The following FOSB variants were observed in gnomAD, a reference collection of about 807,000 sequenced individuals.
The protein encoded by FOSB is FosB proto-oncogene, AP-1 transcription factor subunit.
FOSB carries 8 observed loss-of-function variants against 31.1 expected under a neutral mutation model. The ratio of observed to expected loss-of-function variants is 0.26; its 90% CI spans 0.15 to 0.46. FOSB has a LOEUF of 0.46. FOSB is among the 20% of genes least tolerant of loss of function. The pLI is 0.99. For synonymous variants in FOSB, 214 were observed against 206.1 expected (o/e 1.04, Z -0.33); for missense variants, 376 against 460.6 (o/e 0.82, Z 1.68).
Position 45,472,496 on chromosome 19 carries a change from C to A in FOSB, c.556-55C>A. The A allele has an allele frequency of 7.2e-7, 1 of 1,391,842 alleles. No individual in the cohort carries two copies. Among genetic ancestry groups the A allele is most frequent in the South Asian group, 1.6e-5 (1 of 63,490 alleles). The allele number at this position is 1,391,842 out of a possible 1,614,324, so 86.2% of individuals were successfully genotyped here. On this transcript the variant is annotated intron_variant, in intron 3 of 3. Coordinates refer to ENST00000353609, the MANE Select transcript of FOSB (RefSeq NM_006732.3). This position sits in a 1 kb window ranked among gnomAD's most constrained non-coding sequence, Gnocchi z 5.4. ...ATGACCCGAGTTTCCCGGTCACTGA[C>A]ATGCTTTTTTCTCCTTCCTCTCTCT...
In FOSB at chr19:45,474,495, C is replaced by G. The variant is rs1395597909; in HGVS notation, c.*1483C>G. On this transcript the variant is annotated 3_prime_UTR_variant, in exon 4 of 4. Coordinates refer to ENST00000353609, the MANE Select transcript of FOSB (RefSeq NM_006732.3). ...TGCTGCATGAAAAACATTCCACGTG[C>G]CCCTTGTCGCGCGTCTCCCATCCTG... 1 of 152,552 alleles carries G rather than the reference C, an allele frequency of 6.6e-6. No homozygotes were observed. Among genetic ancestry groups the G allele is most frequent in the Non-Finnish European group, 1.5e-5 (1 of 68,042 alleles). The allele number at this position is 152,552 out of a possible 1,614,324, so 9.4% of individuals were successfully genotyped here.
At chr19:45,469,473 C>G (rs1221222775) in intron 1 of FOSB, among the ~76,000 whole-genome samples, 1 of 152,210 alleles carries the variant, frequency 6.6e-6, no homozygotes, top group East Asian at 1.9e-4. Context: ...CCTCTCTGTC[C>G]CCGGAACCCG....
At chr19:45,470,983 G>A in intron 2 of FOSB, 34 bp downstream of exon 2, 1 of 1,602,044 alleles carries the variant, frequency 6.2e-7, no homozygotes, top group East Asian at 2.2e-5. Context: ...GGCCTGGGTA[G>A]GGGGAAGCAA....
At chr19:45,471,328 G>A in intron 3 of FOSB, 27 bp downstream of exon 3, 1 of 1,489,890 alleles carries the variant, frequency 6.7e-7, no homozygotes. Flanking sequence ...GGGTGGGAGA[G>A]GGGATGTTGA....
At position 45,472,048 on chromosome 19, in the gene FOSB, AG is replaced by A. The variant is rs1967694521; in HGVS notation, c.556-500del. 1 of 152,412 alleles carries A rather than the reference AG, an allele frequency of 6.6e-6. No individual in the cohort carries two copies. The highest frequency in any genetic ancestry group is 1.5e-5 in the Non-Finnish European group (1 of 68,324). The allele number at this position is 152,412 out of a possible 1,614,324, so 9.4% of individuals were successfully genotyped here. ...AGTTTGAGACCAGCCTGGGAAACAT[AG>A]GGAGGACTTGTCTCTACCAAGAAAA... is the stretch of plus-strand genomic sequence containing the variant. On this transcript the variant is annotated intron_variant, in intron 3 of 3. Coordinates refer to ENST00000353609, the MANE Select transcript of FOSB (RefSeq NM_006732.3). This position sits in a 1 kb window ranked among gnomAD's most constrained non-coding sequence, Gnocchi z 5.4.
intron 2 of FOSB, 83 bp from the exon 3 acceptor site, chr19:45,471,111 G>T: frequency 7.1e-7 from 1 of 1,406,250 alleles, no homozygotes; most frequent in Non-Finnish European, 9.8e-7. Context: ...TGGCTCTTGG[G>T]GGTTCTGAAA....
In FOSB at chr19:45,473,596, CT is replaced by C. The variant is rs1467989045; in HGVS notation, c.*586del. On this transcript the variant is annotated 3_prime_UTR_variant, in exon 4 of 4. Coordinates refer to ENST00000353609, the MANE Select transcript of FOSB (RefSeq NM_006732.3). ...ACTCTGGGCAGAAGTGAGCCCCCCC[CT>C]TAAAGGGAATTCGATGCCCCCCTAG... 1 of 96,094 alleles carries C rather than the reference CT, an allele frequency of 1.0e-5. No homozygotes were observed. The allele number at this position is 96,094 out of a possible 1,614,324, so 6.0% of individuals were successfully genotyped here.
In FOSB at chr19:45,474,365, C is replaced by A. The variant is rs1377694512; in HGVS notation, c.*1353C>A. 1 of 152,334 alleles carries A rather than the reference C, an allele frequency of 6.6e-6. No individual in the cohort carries two copies. The highest frequency in any genetic ancestry group is 1.5e-5 in the Non-Finnish European group (1 of 67,992). The allele number at this position is 152,334 out of a possible 1,614,324, so 9.4% of individuals were successfully genotyped here. A position where few individuals can be genotyped will look rare whatever the true frequency, so the allele number is the denominator to read the frequency against. On this transcript the variant is annotated 3_prime_UTR_variant, in exon 4 of 4. Transcript: ENST00000353609. ...CGCCCATCCCTGACCATGGTTTTGG[C>A]TCTCCCACCCCGCCGTTCCCTGCGC...
chr19:45,472,864 G>A lies in FOSB; in HGVS notation c.869G>A (p.Gly290Asp), dbSNP rs139625208. 2.8e-4 allele frequency: 446 copies of A among 1,614,128 alleles called. 1 individual carries two copies. Among genetic ancestry groups the A allele is most frequent in the African/African-American group, 1.6e-3 (117 of 75,030 alleles). ...ACACACAGTGAAGTTCAAGTCCTCG[G>A]CGACCCCTTCCCCGTTGTTAACCCT... ...LFTHSEVQVL[G>D]DPFPVVNPSY... Residue 290 changes from glycine (G) to aspartate (D), a missense_variant, in exon 4 of 4, where the codon GGC (glycine) becomes GAC (aspartate). Physicochemically the swap from Gly to Asp is moderately conservative, Grantham distance 94 (BLOSUM62 -1). Around this residue, in one of 3 missense-constraint regions of FOSB, gnomAD observed 148 missense variants for 170.0 expected, o/e 0.87. Transcript: ENST00000353609. The surrounding 1 kb of genome is among the most constrained non-coding windows in gnomAD (Gnocchi z 5.4).
chr19:45,468,437 C>T lies in FOSB; in HGVS notation c.-150C>T. On this transcript the variant is annotated 5_prime_UTR_variant, in exon 1 of 4. Coordinates refer to ENST00000353609, the MANE Select transcript of FOSB (RefSeq NM_006732.3). This position sits in a 1 kb window ranked among gnomAD's most constrained non-coding sequence, Gnocchi z 4.8. ...GGGACGTTGCTCCTTCCCCGAGCTT[C>T]CCCGGACAGCGTACTTTGAGGACTC... 1.2e-6 allele frequency: 1 copy of T among 816,350 alleles called. No homozygotes were observed. The highest frequency in any genetic ancestry group is 2.0e-6 in the Non-Finnish European group (1 of 511,544). The allele number at this position is 816,350 out of a possible 1,614,324, so 50.6% of individuals were successfully genotyped here. A position where few individuals can be genotyped will look rare whatever the true frequency, so the allele number is the denominator to read the frequency against.
At position 45,471,588 on chromosome 19, in the gene FOSB, C is replaced by A. The variant is rs1432135397; in HGVS notation, c.555+287C>A. On this transcript the variant is annotated intron_variant, in intron 3 of 3. Coordinates refer to ENST00000353609, the MANE Select transcript of FOSB (RefSeq NM_006732.3). Reference sequence around the variant, plus strand: ...GGGGCCCTTGAGGAGAGGGGCGCCCCCATCATTTCTCCCATCTGGTCTTCA... The same window carrying A: ...GGGGCCCTTGAGGAGAGGGGCGCCCACATCATTTCTCCCATCTGGTCTTCA... The A allele has an allele frequency of 4.9e-5, 15 of 308,614 alleles. No homozygotes were observed. The East Asian group carries it at 6.8e-4, about 14-fold the overall frequency. 19.1% of individuals were successfully genotyped at this position (308,614 alleles called of 1,614,324 possible). A position where few individuals can be genotyped will look rare whatever the true frequency, so the allele number is the denominator to read the frequency against.
chr19:45,469,810 GC>G (rs1466461064), intron 1 of FOSB: 1 of 152,476 alleles, frequency 6.6e-6, no homozygotes, highest in Non-Finnish European at 1.5e-5. Flanking sequence ...CAGGAGCTCC[GC>G]CCCCTCTGGG....
Position 45,473,000 on chromosome 19 carries a change from C to T in FOSB, c.1005C>T (p.Leu335=), listed in dbSNP as rs758443162. The T allele has an allele frequency of 5.0e-6, 8 of 1,608,932 alleles. No homozygotes were observed. The Admixed American group carries it at 1.2e-4, about 23-fold the overall frequency. Residue 335 remains leucine (L), a synonymous_variant, in exon 4 of 4, where the codon CTC becomes CTT. Transcript: ENST00000353609. This position sits in a 1 kb window ranked among gnomAD's most constrained non-coding sequence, Gnocchi z 5.4. The stretch of plus-strand genomic sequence containing the variant: ...CCGATCCCCTGAACTCGCCCTCCCT[C>T]CTCGCTCTGTGAACTCTTTAGACAC... ...QPSDPLNSPS[L]LAL
Position 45,468,729 on chromosome 19 carries a change from A to C in FOSB, c.126+17A>C, listed in dbSNP as rs1186288888. The C allele has an allele frequency of 6.3e-7, 1 of 1,593,754 alleles. No homozygotes were observed. Among genetic ancestry groups the C allele is most frequent in the South Asian group, 1.1e-5 (1 of 88,242 alleles). On this transcript the variant is annotated intron_variant, in intron 1 of 3. Coordinates refer to ENST00000353609, the MANE Select transcript of FOSB (RefSeq NM_006732.3). The surrounding 1 kb of genome is among the most constrained non-coding windows in gnomAD (Gnocchi z 4.8). ...GCCTCCCAGGTAAGTTTTTGATAGT[A>C]GGGGTGCTGCTTTGTAGGTTTTATT...
Position 45,468,625 on chromosome 19 carries a change from C to T in FOSB, c.39C>T (p.Ser13=). ...TCCCCGGAGACTACGACTCCGGCTC[C>T]CGGTGCAGCTCCTCACCCTCTGCCG... ...QAFPGDYDSG[S]RCSSSPSAES... is the part of the protein sequence containing the mutation. The change falls in exon 1 of 4, where the codon TCC becomes TCT. Residue 13 remains serine (S), a synonymous_variant. Coordinates refer to ENST00000353609, the MANE Select transcript of FOSB (RefSeq NM_006732.3). The surrounding 1 kb of genome is among the most constrained non-coding windows in gnomAD (Gnocchi z 4.8). 1.2e-6 allele frequency: 2 copies of T among 1,613,548 alleles called. No homozygotes were observed. The highest frequency in any genetic ancestry group is 1.7e-6 in the Non-Finnish European group (2 of 1,179,848).
At chr19:45,470,287 C>G (rs561392151) in intron 1 of FOSB, 4 of 316,532 alleles carry the variant, frequency 1.3e-5, no homozygotes, top group Non-Finnish European at 2.4e-5. Flanking sequence ...GGCTCCGTCC[C>G]GGGGGTTCTG....
At position 45,474,221 on chromosome 19, in the gene FOSB, G is replaced by A. The variant is rs1380674583; in HGVS notation, c.*1209G>A. 2 of 151,998 alleles carry A rather than the reference G, an allele frequency of 1.3e-5. No individual in the cohort carries two copies. The highest frequency in any genetic ancestry group is 2.9e-5 in the Non-Finnish European group (2 of 67,986). The allele number at this position is 151,998 out of a possible 1,614,324, so 9.4% of individuals were successfully genotyped here. A position where few individuals can be genotyped will look rare whatever the true frequency, so the allele number is the denominator to read the frequency against. The stretch of plus-strand genomic sequence containing the variant: ...ACATCCTCTCCAGGAAGGGAGTGAG[G>A]GGCTGTGACATTTTTCCGGAGAAGA... On this transcript the variant is annotated 3_prime_UTR_variant, in exon 4 of 4. Coordinates refer to ENST00000353609, the MANE Select transcript of FOSB (RefSeq NM_006732.3).
Position 45,473,690 on chromosome 19 carries a change from C to G in FOSB, c.*678C>G, listed in dbSNP as rs1967762288. 6.7e-6 allele frequency: 1 copy of G among 150,142 alleles called. No individual in the cohort carries two copies. The highest frequency in any genetic ancestry group is 2.5e-5 in the African/African-American group (1 of 40,610). 9.3% of individuals were successfully genotyped at this position (150,142 alleles called of 1,614,324 possible). A position where few individuals can be genotyped will look rare whatever the true frequency, so the allele number is the denominator to read the frequency against. On this transcript the variant is annotated 3_prime_UTR_variant, in exon 4 of 4. Coordinates refer to ENST00000353609, the MANE Select transcript of FOSB (RefSeq NM_006732.3). ...GTCCTTCCTTGACTGTCTAGCCACTCCCTCCCAGAAAAACTGGCTCTGATT... is the reference window on the plus strand; with the variant it reads ...GTCCTTCCTTGACTGTCTAGCCACTGCCTCCCAGAAAAACTGGCTCTGATT...
rs762770823 is a variant in FOSB, at chr19:45,468,650, G to A, written c.64G>A (p.Glu22Lys). 31 of 1,613,588 alleles carry A rather than the reference G, an allele frequency of 1.9e-5. No individual in the cohort carries two copies. Among genetic ancestry groups the A allele is most frequent in the Non-Finnish European group, 2.5e-5 (30 of 1,179,930 alleles). Residue 22 changes from glutamate to lysine, a missense_variant, in exon 1 of 4, where the codon GAG becomes AAG. Glu to Lys is a moderately conservative substitution (Grantham distance 56, BLOSUM62 1). Transcript: ENST00000353609. This position sits in a 1 kb window ranked among gnomAD's most constrained non-coding sequence, Gnocchi z 4.8. ...CCGGTGCAGCTCCTCACCCTCTGCC[G>A]AGTCTCAATATCTGTCTTCGGTGGA... ...GSRCSSSPSAESQYLSSVDSF... is the reference protein window; with the variant it reads ...GSRCSSSPSAKSQYLSSVDSF...
Sources: allele counts gnomAD v4.1 joint callset (sites outside exome capture counted in the v4.1 genomes callset), GRCh38; gene constraint gnomAD v4.1.1; regional missense constraint gnomAD v4.1.1; non-coding constraint Gnocchi (gnomAD v3.1); transcripts MANE v1.5; gene names NCBI Gene and HGNC (gene_info 2026-07-23, HGNC 2026-07-21).